Variants in PHIP observed in about 807,000 individuals in gnomAD.
PHIP encodes the protein PH-interacting protein.
Under a neutral mutation model 236.8 loss-of-function variants are expected in PHIP, and 54 were observed. The ratio of observed to expected loss-of-function variants is 0.23; its 90% CI spans 0.18 to 0.29. The LOEUF (loss-of-function observed/expected upper bound fraction) is 0.29, where lower values mean the gene tolerates loss of function less well. PHIP is among the 10% of genes least tolerant of loss of function. The pLI is 1.00. For synonymous variants in PHIP, 756 were observed against 718.9 expected, an observed-to-expected ratio of 1.05 and a Z score of -0.83; for missense variants, 1,370 against 2,190.8, an observed-to-expected ratio of 0.63 and a Z score of 7.48.
In PHIP at chr6:78,940,964, G is replaced by T; in HGVS notation, c.5195C>A (p.Pro1732His). Reference protein sequence around the residue: ...TQKLDADLLVPASVKVLRRSN... With the variant: ...TQKLDADLLVHASVKVLRRSN... Reference sequence around the variant, plus strand: ...TCTCCTTAACACTTTGACACTTGCAGGGACTAGGAGATCTGCATCTAATTT... The same window carrying T: ...TCTCCTTAACACTTTGACACTTGCATGGACTAGGAGATCTGCATCTAATTT... The change falls in exon 40 of 40, where the codon CCT becomes CAT. Residue 1732 changes from proline to histidine, a missense_variant. Coordinates refer to ENST00000275034, the MANE Select transcript of PHIP (RefSeq NM_017934.7). The T allele has an allele frequency of 6.2e-7, 1 of 1,613,940 alleles. No homozygotes were observed. Among genetic ancestry groups the T allele is most frequent in the Non-Finnish European group, 8.5e-7 (1 of 1,179,914 alleles).
chr6:79,013,373 C>T (rs897567384), intron 15 of PHIP, among the ~76,000 whole-genome samples: 1 of 151,620 alleles, frequency 6.6e-6, no homozygotes, highest in African/African-American at 2.4e-5. Flanking sequence ...GAATACTATC[C>T]AATTCAACTT....
At position 78,944,627 on chromosome 6, in the gene PHIP, C is replaced by T. The variant is rs187935045; in HGVS notation, c.4828+673G>A. Among the ~76,000 whole-genome samples, 290 of 152,252 alleles carry T rather than the reference C, an allele frequency of 1.9e-3. 1 individual carries two copies. The highest frequency in any genetic ancestry group is 2.7e-3 in the Non-Finnish European group (184 of 68,022). ...ATGACTCCCTGATTTTAAGTTTACA[C>T]GGGTAGATCCCAATGCCATTAACAA... On this transcript the variant is annotated intron_variant, in intron 39 of 39. Coordinates refer to ENST00000275034, the MANE Select transcript of PHIP (RefSeq NM_017934.7).
At chr6:79,014,133 CCTCACTAAAAAAT>C (rs1464546966) in intron 15 of PHIP, among the ~76,000 whole-genome samples, 1 of 149,860 alleles carries the variant, frequency 6.7e-6, no homozygotes, top group African/African-American at 2.5e-5. Context: ...AAGCTATTTC[CCTCACTAAAAAAT>C]CTGCTATTAT....
At position 78,936,793 on chromosome 6, in the gene PHIP, C is replaced by T. The variant is rs956644688; in HGVS notation, c.*3900G>A. 6.6e-5 allele frequency: 10 copies of T among 151,664 alleles called. No homozygotes were observed. Among genetic ancestry groups the T allele is most frequent in the Non-Finnish European group, 1.5e-4 (10 of 67,728 alleles). The allele number at this position is 151,664 out of a possible 1,614,324, so 9.4% of individuals were successfully genotyped here. A position where few individuals can be genotyped will look rare whatever the true frequency, so the allele number is the denominator to read the frequency against. On this transcript the variant is annotated 3_prime_UTR_variant, in exon 40 of 40. Transcript: ENST00000275034. ...CTTTTCTTGGGTACTATACATAGTT[C>T]GTAATGACTTTTCATTTGGAGCAAA... is the stretch of plus-strand genomic sequence containing the variant.
Position 78,945,904 on chromosome 6 carries a change from T to C in PHIP, c.4630+97A>G. Reference sequence around the variant, plus strand: ...AGAAGGCAAAAACAACAGTGTCTGCTAGGAATTACTAAAACTCAGTATATT... The same window carrying C: ...AGAAGGCAAAAACAACAGTGTCTGCCAGGAATTACTAAAACTCAGTATATT... On this transcript the variant is annotated intron_variant, in intron 38 of 39. Transcript: ENST00000275034. 8 of 845,754 alleles carry C rather than the reference T, an allele frequency of 9.5e-6. No homozygotes were observed. The East Asian group carries it at 9.9e-5, about 10-fold the overall frequency. 52.4% of individuals were successfully genotyped at this position (845,754 alleles called of 1,614,324 possible).
intron 24 of PHIP, among the ~76,000 whole-genome samples, chr6:78,973,586 T>C (rs7766920): frequency 0.97 from 29,886 of 30,738 alleles, 14,641 homozygotes; most frequent in East Asian, 1. Flanking sequence ...GACTGGCAAA[T>C]TGGATAAACA....
Position 78,951,948 on chromosome 6 carries a change from G to C in PHIP, c.4053+2866C>G, listed in dbSNP as rs114484915. Among the ~76,000 whole-genome samples, 1,037 of 152,254 alleles carry C rather than the reference G, an allele frequency of 6.8e-3. 4 individuals are homozygous for C. Among genetic ancestry groups the C allele is most frequent in the African/African-American group, 0.023 (964 of 41,532 alleles). On this transcript the variant is annotated intron_variant, in intron 35 of 39. Transcript: ENST00000275034. ...AGTGATGAGTATCAGTTCAACATCAGTAAAGTGAGTGGCTTGGAGCAGTCT... is the reference window on the plus strand; with the variant it reads ...AGTGATGAGTATCAGTTCAACATCACTAAAGTGAGTGGCTTGGAGCAGTCT...
chr6:79,000,927 AG>A (rs1427439703), intron 17 of PHIP, among the ~76,000 whole-genome samples: 1 of 151,978 alleles, frequency 6.6e-6, no homozygotes, highest in African/African-American at 2.4e-5. Context: ...TTCCAAGAGG[AG>A]CCCCTTCTAT....
chr6:79,023,472 A>G lies in PHIP; in HGVS notation c.923+2047T>C, dbSNP rs559532728. On this transcript the variant is annotated intron_variant, in intron 9 of 39. Coordinates refer to ENST00000275034, the MANE Select transcript of PHIP (RefSeq NM_017934.7). ...GACAAGAATAGGAAAGAATATAGGA[A>G]TAGGAAAGAATATTACTTATAAATA... Among the ~76,000 whole-genome samples, 4 of 152,302 alleles carry G rather than the reference A, an allele frequency of 2.6e-5. No individual in the cohort carries two copies. In the East Asian group the frequency reaches 7.7e-4, roughly 29 times the overall value.
rs540046380 is a variant in PHIP, at chr6:78,960,389, A to C, written c.3656+1301T>G. Among the ~76,000 whole-genome samples, 4 of 151,992 alleles carry C rather than the reference A, an allele frequency of 2.6e-5. No individual in the cohort carries two copies. The South Asian group carries it at 8.3e-4, about 32-fold the overall frequency. On this transcript the variant is annotated intron_variant, in intron 31 of 39. Transcript: ENST00000275034. ...GTTTCATCTCTGAAGCACTAGGTTT[A>C]ATTTCCAATCTTTAGCAATTTAAGG... is the stretch of plus-strand genomic sequence containing the variant.
At chr6:78,952,991 T>G (rs1384460474) in intron 35 of PHIP, among the ~76,000 whole-genome samples, 1 of 152,082 alleles carries the variant, frequency 6.6e-6, no homozygotes, top group African/African-American at 2.4e-5. Context: ...ATATTTTCAT[T>G]TGTTGTTTCT....
Position 79,059,626 on chromosome 6 carries a change from A to ATATATATATATATAT in PHIP, c.439+851_439+852insATATATATATATATA, listed in dbSNP as rs1562216785. On this transcript the variant is annotated intron_variant, in intron 6 of 39. Transcript: ENST00000275034. Reference sequence around the variant, plus strand: ...ATATATATATATATATATATATATAAAAATGCCAAACAAAAGTCATATAAA... The same window carrying ATATATATATATATAT: ...ATATATATATATATATATATATATAATATATATATATATATAAATGCCAAACAAAAGTCATATAAA... Among the ~76,000 whole-genome samples, 181 of 43,026 alleles carry ATATATATATATATAT rather than the reference A, an allele frequency of 4.2e-3. 2 individuals carry two copies. The highest frequency in any genetic ancestry group is 5.2e-3 in the South Asian group (4 of 768). 28.2% of individuals were successfully genotyped at this position (43,026 alleles called of 152,430 possible). A position where few individuals can be genotyped will look rare whatever the true frequency, so the allele number is the denominator to read the frequency against.
At chr6:79,050,572 A>C (rs1037780979) in intron 6 of PHIP, among the ~76,000 whole-genome samples, 2 of 152,198 alleles carry the variant, frequency 1.3e-5, no homozygotes, top group Admixed American at 1.3e-4. Context: ...AGACTGATTA[A>C]TTTTTGAGCT....
At chr6:78,971,455 G>C (rs1020403023) in intron 24 of PHIP, among the ~76,000 whole-genome samples, 6 of 152,178 alleles carry the variant, frequency 3.9e-5, no homozygotes, top group Non-Finnish European at 8.8e-5. Context: ...TAAGTTTTTA[G>C]TAACATTTTG....
Position 79,017,390 on chromosome 6 carries a change from T to TATA in PHIP, c.1096-7_1096-5dup. 1 of 1,585,592 alleles carries TATA rather than the reference T, an allele frequency of 6.3e-7. No homozygotes were observed. On this transcript the variant is annotated splice_region_variant and splice_polypyrimidine_tract_variant and intron_variant, in intron 11 of 39. Transcript: ENST00000275034. ...ACTGGATACTGTCAACTTTGTCCTA[T>TATA]ATATAAACAAATAAACAAAAAAGTG... is the stretch of plus-strand genomic sequence containing the variant.
intron 7 of PHIP, among the ~76,000 whole-genome samples, chr6:79,026,957 T>C (rs2127748982): frequency 6.6e-6 from 1 of 152,202 alleles, no homozygotes; most frequent in African/African-American, 2.4e-5. Context: ...TTCTAGTCTT[T>C]AACACAAGGT....
chr6:78,971,038 G>T (rs1230180724), intron 24 of PHIP, 150 bp from the exon 25 acceptor site: 2 of 593,034 alleles, frequency 3.4e-6, no homozygotes, highest in African/African-American at 3.9e-5. Flanking sequence ...CTCTCAAGTT[G>T]TCTTAACATC....
intron 24 of PHIP, among the ~76,000 whole-genome samples, chr6:78,975,341 T>G (rs1454629198): frequency 6.6e-6 from 1 of 152,180 alleles, no homozygotes; most frequent in Non-Finnish European, 1.5e-5. Flanking sequence ...TGCTAAAAAC[T>G]CTCAATAAAT....
At chr6:79,038,708 A>G (rs1772065829) in intron 7 of PHIP, among the ~76,000 whole-genome samples, 1 of 152,010 alleles carries the variant, frequency 6.6e-6, no homozygotes, top group Non-Finnish European at 1.5e-5. Flanking sequence ...CATTAGATAC[A>G]TACAAGATAA....
Sources: gnomAD v4.1 joint callset for allele counts (sites outside exome capture counted in the v4.1 genomes callset) on GRCh38, gnomAD v4.1.1 for gene constraint, MANE v1.5 for transcripts, NCBI Gene and HGNC (gene_info 2026-07-23, HGNC 2026-07-21) for gene names.